The following IRAK2 variants were observed in gnomAD, a reference collection of about 807,000 sequenced individuals.
The protein encoded by IRAK2 is interleukin 1 receptor associated kinase 2.
A neutral mutation model predicts 72.0 loss-of-function variants in IRAK2; 57 were observed. The ratio of observed to expected loss-of-function variants is 0.79; its 90% CI spans 0.64 to 0.99. The LOEUF is 0.99. Among genes scored for constraint, IRAK2 ranks in the 50% least tolerant of loss-of-function variants. IRAK2 has a pLI of 0.00. For missense variants in IRAK2, 790 were observed against 794.4 expected (o/e 0.99, Z 0.07); for synonymous variants, 293 against 312.7 (o/e 0.94, Z 0.67).
chr3:10,234,908 T>C (rs1191296405), intron 11 of IRAK2, among the ~76,000 whole-genome samples: 2 of 152,224 alleles, frequency 1.3e-5, no homozygotes, highest in African/African-American at 2.4e-5. Flanking sequence ...CGATGAACTC[T>C]CTGTGAATCG....
At chr3:10,173,680 C>T (rs921562823) in intron 1 of IRAK2, among the ~76,000 whole-genome samples, 7 of 152,004 alleles carry the variant, frequency 4.6e-5, no homozygotes, top group African/African-American at 1.7e-4. Context: ...AAAAATTAGC[C>T]GAGAGTGGTG....
chr3:10,192,747 C>T (rs916455720), intron 2 of IRAK2, among the ~76,000 whole-genome samples: 2 of 151,952 alleles, frequency 1.3e-5, no homozygotes, highest in African/African-American at 2.4e-5. Flanking sequence ...GGCAAAACCC[C>T]GTCTCTACTA....
At chr3:10,217,659 T>C (rs1697625879) in intron 7 of IRAK2, among the ~76,000 whole-genome samples, 1 of 152,248 alleles carries the variant, frequency 6.6e-6, no homozygotes, top group African/African-American at 2.4e-5. Flanking sequence ...GAAGCAAACT[T>C]ACTATTAGAG....
At chr3:10,211,067 T>C (rs1324700663) in intron 4 of IRAK2, among the ~76,000 whole-genome samples, 3 of 152,126 alleles carry the variant, frequency 2.0e-5, no homozygotes. Context: ...TTCGCCATGT[T>C]GGCCAGGCTG....
chr3:10,213,429 G>A, intron 5 of IRAK2, 28 bp downstream of exon 5: 3 of 1,612,580 alleles, frequency 1.9e-6, no homozygotes, highest in Non-Finnish European at 2.5e-6. Context: ...TCTAGTGGGG[G>A]TGGAGGCTGC....
intron 3 of IRAK2, among the ~76,000 whole-genome samples, chr3:10,208,172 C>G (rs1294719641): frequency 6.6e-6 from 1 of 151,342 alleles, no homozygotes; most frequent in African/African-American, 2.4e-5. Flanking sequence ...AGGCCTTGGC[C>G]AAAGGCCAAG....
In IRAK2 at chr3:10,177,872, G is replaced by A; in HGVS notation, c.129G>A (p.Arg43=). 2 of 1,613,682 alleles carry A rather than the reference G, an allele frequency of 1.2e-6. No individual in the cohort carries two copies. Among genetic ancestry groups the A allele is most frequent in the Non-Finnish European group, 1.7e-6 (2 of 1,180,036 alleles). Residue 43 remains arginine (R), a synonymous_variant, in exon 2 of 13, where the codon CGG becomes CGA. Transcript: ENST00000256458. The part of the protein sequence containing the change: ...SYVITDLTQL[R]KIKSMERVQG... ...TGATCACAGACCTGACCCAGCTGCGGAAGATCAAGTCCATGGAGCGGGTGC... is the reference window on the plus strand; with the variant it reads ...TGATCACAGACCTGACCCAGCTGCGAAAGATCAAGTCCATGGAGCGGGTGC...
Position 10,165,815 on chromosome 3 carries a change from C to G in IRAK2, c.94+767C>G, listed in dbSNP as rs1308784446. Among the ~76,000 whole-genome samples, 8 of 151,002 alleles carry G rather than the reference C, an allele frequency of 5.3e-5. No individual in the cohort carries two copies. In the South Asian group the frequency reaches 1.3e-3, roughly 24 times the overall value. On this transcript the variant is annotated intron_variant, in intron 1 of 12. Coordinates refer to ENST00000256458, the MANE Select transcript of IRAK2 (RefSeq NM_001570.4). Reference sequence around the variant, plus strand: ...GCGCGATCTAGGCTCGTTGCAAGCTCCGCCTCCCGGGTTCACGCCATTCTC... The same window carrying G: ...GCGCGATCTAGGCTCGTTGCAAGCTGCGCCTCCCGGGTTCACGCCATTCTC...
chr3:10,200,449 G>A lies in IRAK2; in HGVS notation c.358G>A (p.Val120Ile), dbSNP rs367602300. Reference sequence around the variant, plus strand: ...GCCAGAAAAGCCTTTGGCAGCTTCTGTAAGAAAGGCTGAGGATGAACAGGA... The same window carrying A: ...GCCAGAAAAGCCTTTGGCAGCTTCTATAAGAAAGGCTGAGGATGAACAGGA... ...VKPEKPLAAS[V>I]RKAEDEQEEG... The change falls in exon 3 of 13, where the codon GTA becomes ATA. Residue 120 changes from valine (V) to isoleucine (I), a missense_variant. By Grantham distance (29) the Val-to-Ile change is conservative. Coordinates refer to ENST00000256458, the MANE Select transcript of IRAK2 (RefSeq NM_001570.4). 6.2e-7 allele frequency: 1 copy of A among 1,608,990 alleles called. No individual in the cohort carries two copies.
chr3:10,172,147 G>A (rs1296523846), intron 1 of IRAK2, among the ~76,000 whole-genome samples: 1 of 151,712 alleles, frequency 6.6e-6, no homozygotes, highest in Non-Finnish European at 1.5e-5. Flanking sequence ...GAGGTGGGTG[G>A]ATCATGAGGT....
At chr3:10,215,028 G>A (rs904733117) in intron 6 of IRAK2, among the ~76,000 whole-genome samples, 1 of 151,562 alleles carries the variant, frequency 6.6e-6, no homozygotes, top group Non-Finnish European at 1.5e-5. Flanking sequence ...GGAGGCAGAA[G>A]TTGCAGTGAG....
In IRAK2 at chr3:10,174,535, A is replaced by G. The variant is rs187581469; in HGVS notation, c.95-3303A>G. Among the ~76,000 whole-genome samples, 1,206 of 151,378 alleles carry G rather than the reference A, an allele frequency of 8.0e-3. 14 individuals are homozygous for G. The highest frequency in any genetic ancestry group is 0.028 in the African/African-American group (1,138 of 41,268). On this transcript the variant is annotated intron_variant, in intron 1 of 12. Coordinates refer to ENST00000256458, the MANE Select transcript of IRAK2 (RefSeq NM_001570.4). ...ATATTTTTTTGTTTTGTTTTGTTTT[A>G]TTTTTTTGAGATGGAGTCTCACTCT...
intron 7 of IRAK2, among the ~76,000 whole-genome samples, chr3:10,218,100 A>G (rs1697631479): frequency 6.6e-6 from 1 of 152,004 alleles, no homozygotes; most frequent in Non-Finnish European, 1.5e-5. Context: ...CAGTTCTTAG[A>G]GGATGTGGGA....
In IRAK2 at chr3:10,174,644, C is replaced by G. The variant is rs542927360; in HGVS notation, c.95-3194C>G. Reference sequence around the variant, plus strand: ...GGTTCAAGTGATTCTCCTGCCTCAGCCTTCCACGTAGCTGGGACTACAAGT... The same window carrying G: ...GGTTCAAGTGATTCTCCTGCCTCAGGCTTCCACGTAGCTGGGACTACAAGT... On this transcript the variant is annotated intron_variant, in intron 1 of 12. Coordinates refer to ENST00000256458, the MANE Select transcript of IRAK2 (RefSeq NM_001570.4). Among the ~76,000 whole-genome samples, 4 of 152,134 alleles carry G rather than the reference C, an allele frequency of 2.6e-5. No individual in the cohort carries two copies. In the East Asian group the frequency reaches 7.7e-4, roughly 29 times the overall value.
At position 10,232,212 on chromosome 3, in the gene IRAK2, T is replaced by C. The variant is rs542144466; in HGVS notation, c.1273-2247T>C. Among the ~76,000 whole-genome samples the C allele has an allele frequency of 4.6e-5, 7 of 152,368 alleles. No homozygotes were observed. In the South Asian group the frequency reaches 1.4e-3, roughly 32 times the overall value. ...TTTTGGATGTCGTTGGATTTTTGCA[T>C]AGACTAGGTCATTTGCCCTATGTAG... On this transcript the variant is annotated intron_variant, in intron 10 of 12. Transcript: ENST00000256458.
chr3:10,171,911 G>A (rs989215513), intron 1 of IRAK2, among the ~76,000 whole-genome samples: 4 of 151,496 alleles, frequency 2.6e-5, no homozygotes, highest in Non-Finnish European at 5.9e-5. Flanking sequence ...GACTACAGGC[G>A]CCCGCCACCA....
At position 10,172,632 on chromosome 3, in the gene IRAK2, G is replaced by A. The variant is rs181252051; in HGVS notation, c.95-5206G>A. 5.0e-4 allele frequency among the ~76,000 whole-genome samples: 75 copies of A among 149,274 alleles called. No individual in the cohort carries two copies. In the East Asian group the frequency reaches 0.015, roughly 29 times the overall value. ...AGGTGGGTGGATCACGAGGTCAGGAGTTTGAGCCCAGCCTGGCCAACATAG... is the reference window on the plus strand; with the variant it reads ...AGGTGGGTGGATCACGAGGTCAGGAATTTGAGCCCAGCCTGGCCAACATAG... On this transcript the variant is annotated intron_variant, in intron 1 of 12. Coordinates refer to ENST00000256458, the MANE Select transcript of IRAK2 (RefSeq NM_001570.4).
rs11465880 is a variant in IRAK2, at chr3:10,200,424, G to A, written c.333G>A (p.Lys111=). ...TTCCAGCCTTCCCTGACTCTGTGAAGCCAGAAAAGCCTTTGGCAGCTTCTG... is the reference window on the plus strand; with the variant it reads ...TTCCAGCCTTCCCTGACTCTGTGAAACCAGAAAAGCCTTTGGCAGCTTCTG... ...CPIPAFPDSV[K]PEKPLAASVR... is the part of the protein sequence containing the mutation. The change falls in exon 3 of 13, where the codon AAG becomes AAA. Residue 111 remains lysine (K), a synonymous_variant. Coordinates refer to ENST00000256458, the MANE Select transcript of IRAK2 (RefSeq NM_001570.4). The A allele has an allele frequency of 5.0e-6, 8 of 1,608,220 alleles. No homozygotes were observed. The Admixed American group carries it at 5.0e-5, about 10-fold the overall frequency.
chr3:10,184,867 C>T (rs1460711575), intron 2 of IRAK2, among the ~76,000 whole-genome samples: 17 of 150,308 alleles, frequency 1.1e-4, no homozygotes, highest in Admixed American at 9.2e-4. Context: ...GTAGCTGGGA[C>T]TACAGGCGCC....
Sources: allele counts gnomAD v4.1 joint callset (sites outside exome capture counted in the v4.1 genomes callset), GRCh38; gene constraint gnomAD v4.1.1; transcripts MANE v1.5; gene names NCBI Gene and HGNC (gene_info 2026-07-23, HGNC 2026-07-21).